SLC10A7: variants seen among roughly 807,000 people sequenced by gnomAD.
SLC10A7 encodes the protein solute carrier family 10 member 7.
A neutral mutation model predicts 43.2 loss-of-function variants in SLC10A7; 29 were observed. The observed-to-expected ratio is 0.67, with a 90% CI of 0.50 to 0.92. SLC10A7 has a LOEUF of 0.92. Ranked by LOEUF, SLC10A7 falls within the 40% of genes least tolerant of loss-of-function variation. The probability of loss-of-function intolerance (pLI) is 0.00; values close to 1 mark genes in which losing one functional copy is unlikely to be tolerated. For synonymous variants in SLC10A7, 152 were observed against 144.8 expected (o/e 1.05, Z -0.35); for missense variants, 295 against 403.2 (o/e 0.73, Z 2.30).
intron 10 of SLC10A7, among the ~76,000 whole-genome samples, chr4:146,273,029 A>C (rs1435745020): frequency 6.6e-6 from 1 of 152,094 alleles, no homozygotes; most frequent in Non-Finnish European, 1.5e-5. Flanking sequence ...TAATGGGTAA[A>C]ATTAATCTCT....
intron 5 of SLC10A7, among the ~76,000 whole-genome samples, chr4:146,390,062 T>C (rs72952561): frequency 3.5e-4 from 54 of 152,376 alleles, no homozygotes; most frequent in African/African-American, 1.2e-3. Context: ...GGTGTGATTT[T>C]AACCTTTTAA....
chr4:146,381,282 C>A lies in SLC10A7; in HGVS notation c.436-55286G>T, dbSNP rs185732421. ...CAAGTATCTGAAATTTAAGTTGGGG[C>A]GGAAATATAGTTCTCTGAAAGTTAA... is the stretch of plus-strand genomic sequence containing the variant. On this transcript the variant is annotated intron_variant, in intron 5 of 11. Coordinates refer to ENST00000335472, the MANE Select transcript of SLC10A7 (RefSeq NM_001029998.6). Among the ~76,000 whole-genome samples, 47 of 152,140 alleles carry A rather than the reference C, an allele frequency of 3.1e-4. 1 individual carries two copies. Among genetic ancestry groups the A allele is most frequent in the East Asian group, 1.7e-3 (9 of 5,186 alleles).
At chr4:146,453,349 G>A (rs896445862) in intron 4 of SLC10A7, among the ~76,000 whole-genome samples, 2 of 151,894 alleles carry the variant, frequency 1.3e-5, no homozygotes, top group African/African-American at 2.4e-5. Context: ...AGAGCCGGCC[G>A]ACAGTGATAA....
chr4:146,389,531 G>A (rs13145434), intron 5 of SLC10A7, among the ~76,000 whole-genome samples: 85,582 of 152,004 alleles, frequency 0.56, 24,559 homozygotes, highest in East Asian at 0.78. Context: ...ATGGTAATTC[G>A]TTACAGCAGC....
At chr4:146,261,916 A>G (rs1728254248) in intron 10 of SLC10A7, among the ~76,000 whole-genome samples, 1 of 152,132 alleles carries the variant, frequency 6.6e-6, no homozygotes, top group African/African-American at 2.4e-5. Context: ...CTCGAGTCAT[A>G]TGTTACTTGT....
chr4:146,384,785 A>T (rs955399712), intron 5 of SLC10A7, among the ~76,000 whole-genome samples: 2 of 152,126 alleles, frequency 1.3e-5, no homozygotes, highest in African/African-American at 4.8e-5. Context: ...TGCCTAGGTC[A>T]TGAAGGAAAA....
chr4:146,421,786 C>T (rs1728983880), intron 5 of SLC10A7, among the ~76,000 whole-genome samples: 1 of 152,202 alleles, frequency 6.6e-6, no homozygotes. Flanking sequence ...TACTGGGCCA[C>T]ATCCTCTCTC....
chr4:146,379,004 T>C (rs974227364), intron 5 of SLC10A7, among the ~76,000 whole-genome samples: 3 of 152,102 alleles, frequency 2.0e-5, no homozygotes, highest in African/African-American at 7.2e-5. Flanking sequence ...CCTTTCAGGG[T>C]ATTGACCCAA....
intron 4 of SLC10A7, among the ~76,000 whole-genome samples, chr4:146,498,635 A>G (rs1184333290): frequency 6.6e-6 from 1 of 152,220 alleles, no homozygotes; most frequent in Non-Finnish European, 1.5e-5. Context: ...TAAAATGTAA[A>G]AGCCACAAAA....
At chr4:146,399,855 G>A (rs375398955) in intron 5 of SLC10A7, among the ~76,000 whole-genome samples, 3 of 152,140 alleles carry the variant, frequency 2.0e-5, no homozygotes, top group South Asian at 2.1e-4. Context: ...GGAACATAAC[G>A]TAGGCATTTT....
chr4:146,293,870 G>A (rs1037809618), intron 8 of SLC10A7, 60 bp downstream of exon 8: 3 of 1,203,306 alleles, frequency 2.5e-6, no homozygotes, highest in African/African-American at 3.0e-5. Flanking sequence ...AACACACAGT[G>A]CTACGCGTTG....
intron 11 of SLC10A7, among the ~76,000 whole-genome samples, chr4:146,257,778 G>T (rs1312492474): frequency 3.3e-5 from 5 of 152,188 alleles, no homozygotes; most frequent in African/African-American, 1.2e-4. Flanking sequence ...GAGAAGGCCA[G>T]CAGCCTGAGC....
intron 6 of SLC10A7, among the ~76,000 whole-genome samples, chr4:146,316,112 T>C (rs1732306211): frequency 6.6e-6 from 1 of 152,084 alleles, no homozygotes; most frequent in Non-Finnish European, 1.5e-5. Context: ...AACGAACTTA[T>C]AAGTACAGTT....
intron 5 of SLC10A7, among the ~76,000 whole-genome samples, chr4:146,410,855 A>G (rs1375652438): frequency 6.6e-6 from 1 of 152,076 alleles, no homozygotes; most frequent in Non-Finnish European, 1.5e-5. Flanking sequence ...TTATTTTGAG[A>G]CAGAGTCTTG....
intron 4 of SLC10A7, among the ~76,000 whole-genome samples, chr4:146,470,066 T>C (rs1733420986): frequency 6.6e-6 from 1 of 152,158 alleles, no homozygotes; most frequent in African/African-American, 2.4e-5. Context: ...ATGGCTACAT[T>C]TGAGGTAGAT....
rs753443829 is a variant in SLC10A7 at position 146,256,446 on chromosome 4, A to G, written c.*45T>C. On this transcript the variant is annotated 3_prime_UTR_variant, in exon 12 of 12. Transcript: ENST00000335472. ...AGTCTTCAGAATTGCTAGTATGTAC[A>G]ATCCTGTACATATATACATTGCTAC... 1.2e-5 allele frequency: 19 copies of G among 1,601,134 alleles called. No individual in the cohort carries two copies. Among genetic ancestry groups the G allele is most frequent in the Non-Finnish European group, 1.6e-5 (19 of 1,169,170 alleles).
chr4:146,478,940 T>C (rs772708038), intron 4 of SLC10A7, among the ~76,000 whole-genome samples: 1 of 152,202 alleles, frequency 6.6e-6, no homozygotes, highest in Non-Finnish European at 1.5e-5. Context: ...CATCTAAGTA[T>C]CATTTTAGGC....
chr4:146,521,229 C>T lies in SLC10A7; in HGVS notation c.100+389G>A, dbSNP rs980909672. Among the ~76,000 whole-genome samples, 9 of 151,318 alleles carry T rather than the reference C, an allele frequency of 5.9e-5. No homozygotes were observed. The South Asian group carries it at 1.3e-3, about 21-fold the overall frequency. On this transcript the variant is annotated intron_variant, in intron 1 of 11. Coordinates refer to ENST00000335472, the MANE Select transcript of SLC10A7 (RefSeq NM_001029998.6). ...TCCACTTTTTTTTTTAATGTGGGGGCGGGGAGGACTCGAAAGTAGACTCGA... is the reference window on the plus strand; with the variant it reads ...TCCACTTTTTTTTTTAATGTGGGGGTGGGGAGGACTCGAAAGTAGACTCGA...
chr4:146,363,409 T>C (rs1188199964), intron 5 of SLC10A7, among the ~76,000 whole-genome samples: 5 of 152,114 alleles, frequency 3.3e-5, no homozygotes, highest in Admixed American at 2.0e-4. Flanking sequence ...AATACAATAA[T>C]AGCTGGTGAC....
Sources: gnomAD v4.1 joint callset for allele counts (sites outside exome capture counted in the v4.1 genomes callset) on GRCh38, gnomAD v4.1.1 for gene constraint, MANE v1.5 for transcripts, NCBI Gene and HGNC (gene_info 2026-07-23, HGNC 2026-07-21) for gene names.